The following INTU variants were observed in gnomAD, a reference collection of about 807,000 sequenced individuals.
INTU encodes protein inturned.
A neutral mutation model predicts 100.5 loss-of-function variants in INTU; 68 were observed. That is an observed-to-expected ratio of 0.68 (90% CI 0.56 to 0.83). The LOEUF is 0.83. INTU is among the 40% of genes least tolerant of loss of function. INTU has a pLI of 0.00. For synonymous variants in INTU, 357 were observed against 395.7 expected (o/e 0.90, Z 1.16); for missense variants, 1,071 against 1,114.7 (o/e 0.96, Z 0.56).
chr4:127,716,408 T>C lies in INTU; in HGVS notation c.2801T>C (p.Phe934Ser). ...SVTEIAIEIA[F>S]KLFFGLTL is the part of the protein sequence containing the mutation. Reference sequence around the variant, plus strand: ...ACAGAAATTGCCATTGAAATAGCTTTTAAATTGTTCTTTGGGTTAACCTTG... The same window carrying C: ...ACAGAAATTGCCATTGAAATAGCTTCTAAATTGTTCTTTGGGTTAACCTTG... Residue 934 changes from phenylalanine (F) to serine (S), a missense_variant, in exon 16 of 16, where the codon TTT (phenylalanine) becomes TCT (serine). Transcript: ENST00000335251. 1 of 1,590,146 alleles carries C rather than the reference T, an allele frequency of 6.3e-7. No homozygotes were observed. Among genetic ancestry groups the C allele is most frequent in the Non-Finnish European group, 8.6e-7 (1 of 1,166,634 alleles).
At chr4:127,667,602 G>GT (rs1403768264) in intron 4 of INTU, among the ~76,000 whole-genome samples, 11 of 151,738 alleles carry the variant, frequency 7.2e-5, no homozygotes, top group Admixed American at 2.6e-4. Context: ...GAGTATATGG[G>GT]TTTTTTTTGT....
chr4:127,650,924 G>GAGAT (rs1295294427), intron 2 of INTU, among the ~76,000 whole-genome samples: 1 of 152,206 alleles, frequency 6.6e-6, no homozygotes, highest in Non-Finnish European at 1.5e-5. Flanking sequence ...TAACTGGTGT[G>GAGAT]AGATGGTATC....
At chr4:127,669,607 G>A (rs1055636092) in intron 5 of INTU, among the ~76,000 whole-genome samples, 6 of 151,770 alleles carry the variant, frequency 4.0e-5, no homozygotes, top group African/African-American at 1.2e-4. Flanking sequence ...GACTGAACAC[G>A]AAAATTGGTC....
At chr4:127,692,963 A>G (rs1730218070) in intron 8 of INTU, among the ~76,000 whole-genome samples, 1 of 152,060 alleles carries the variant, frequency 6.6e-6, no homozygotes, top group Admixed American at 6.6e-5. Context: ...TTTTTATACC[A>G]TGCCATTTTG....
At chr4:127,642,899 T>C (rs1342934789) in intron 1 of INTU, among the ~76,000 whole-genome samples, 2 of 152,210 alleles carry the variant, frequency 1.3e-5, no homozygotes, top group Non-Finnish European at 2.9e-5. Context: ...ATGGAAATTA[T>C]AGACAGTAAA....
chr4:127,656,390 A>T (rs536068032), intron 2 of INTU, among the ~76,000 whole-genome samples: 1 of 152,340 alleles, frequency 6.6e-6, no homozygotes, highest in South Asian at 2.1e-4. Context: ...TTATTTTTTA[A>T]AATATTCATA....
Position 127,710,878 on chromosome 4 carries a change from C to A in INTU, c.2370-35C>A, listed in dbSNP as rs980546312. On this transcript the variant is annotated intron_variant, in intron 13 of 15. Coordinates refer to ENST00000335251, the MANE Select transcript of INTU (RefSeq NM_015693.4). ...AATATTTTAAAATTTACTAAAATTT[C>A]TTTTTTCTTCTCTTTGATTTTTTTT... 6 of 1,351,816 alleles carry A rather than the reference C, an allele frequency of 4.4e-6. No individual in the cohort carries two copies. The African/African-American group carries it at 8.8e-5, about 20-fold the overall frequency. 83.7% of individuals were successfully genotyped at this position (1,351,816 alleles called of 1,614,324 possible). A position where few individuals can be genotyped will look rare whatever the true frequency, so the allele number is the denominator to read the frequency against.
Position 127,716,385 on chromosome 4 carries a change from A to C in INTU, c.2778A>C (p.Thr926=). 6.3e-7 allele frequency: 1 copy of C among 1,591,856 alleles called. No homozygotes were observed. The highest frequency in any genetic ancestry group is 8.6e-7 in the Non-Finnish European group (1 of 1,169,448). Residue 926 remains threonine (T), a synonymous_variant, in exon 16 of 16, where the codon ACA becomes ACC. Coordinates refer to ENST00000335251, the MANE Select transcript of INTU (RefSeq NM_015693.4). ...ELYVCFHDSV[T]EIAIEIAFKL... is the part of the protein sequence containing the mutation. ...ATGTCTGTTTTCATGACTCAGTCACAGAAATTGCCATTGAAATAGCTTTTA... is the reference window on the plus strand; with the variant it reads ...ATGTCTGTTTTCATGACTCAGTCACCGAAATTGCCATTGAAATAGCTTTTA...
At chr4:127,681,041 A>C (rs956971482) in intron 6 of INTU, among the ~76,000 whole-genome samples, 1 of 151,696 alleles carries the variant, frequency 6.6e-6, no homozygotes. Flanking sequence ...AATCCAACTT[A>C]CAAGGGATGT....
chr4:127,714,091 A>C lies in INTU; in HGVS notation c.2715A>C (p.Val905=), dbSNP rs773287426. Residue 905 remains valine, a splice_region_variant and synonymous_variant, in exon 15 of 16, where the codon GTA becomes GTC. Coordinates refer to ENST00000335251, the MANE Select transcript of INTU (RefSeq NM_015693.4). ...KAPPVMAYWV[V]GRLFLHPKPQ... is the part of the protein sequence containing the mutation. The stretch of plus-strand genomic sequence containing the variant: ...CACCAGTTATGGCTTACTGGGTAGT[A>C]GGGTAAGTGAGAAAAAAAAGTATTT... The C allele has an allele frequency of 8.1e-6, 13 of 1,602,570 alleles. No homozygotes were observed. The East Asian group carries it at 2.9e-4, about 36-fold the overall frequency.
intron 3 of INTU, 134 bp from the exon 4 acceptor site, chr4:127,663,247 G>A: frequency 3.2e-6 from 2 of 629,794 alleles, no homozygotes; most frequent in Non-Finnish European, 5.6e-6. Flanking sequence ...CCAGCCATCA[G>A]GAGCACTCAC....
At chr4:127,700,472 C>T (rs146648165) in intron 9 of INTU, among the ~76,000 whole-genome samples, 230 of 152,228 alleles carry the variant, frequency 1.5e-3, no homozygotes, top group African/African-American at 5.3e-3. Flanking sequence ...ATCGCAGTAG[C>T]GATAAGTACC....
intron 2 of INTU, among the ~76,000 whole-genome samples, chr4:127,649,686 A>G (rs1044802895): frequency 6.6e-6 from 1 of 152,158 alleles, no homozygotes. Context: ...CTTAGCCTGT[A>G]TACATGTTTA....
In INTU at chr4:127,722,571, A is replaced by G. The variant is rs140287942; in HGVS notation, c.*6135A>G. 22 of 152,552 alleles carry G rather than the reference A, an allele frequency of 1.4e-4. No homozygotes were observed. The highest frequency in any genetic ancestry group is 5.3e-4 in the African/African-American group (22 of 41,584). The allele number at this position is 152,552 out of a possible 1,614,324, so 9.4% of individuals were successfully genotyped here. The stretch of plus-strand genomic sequence containing the variant: ...AGAAGACTAAGATCACTGATCCATG[A>G]TACTTCAGCCATCCTTCCTCCTAGG... On this transcript the variant is annotated 3_prime_UTR_variant, in exon 16 of 16. Transcript: ENST00000335251.
At chr4:127,685,581 A>G (rs1474419707) in intron 7 of INTU, 1 of 416,394 alleles carries the variant, frequency 2.4e-6, no homozygotes, top group Non-Finnish European at 4.8e-6. Flanking sequence ...TGAGCTACAA[A>G]GAGCTGGGCA....
At chr4:127,664,650 C>T (rs1290445840) in intron 4 of INTU, among the ~76,000 whole-genome samples, 2 of 151,932 alleles carry the variant, frequency 1.3e-5, no homozygotes, top group African/African-American at 2.4e-5. Context: ...TCTTAAAGTC[C>T]TTTTTTAACA....
intron 1 of INTU, 60 bp from the exon 2 acceptor site, chr4:127,643,461 G>A (rs1014216948): frequency 1.2e-5 from 17 of 1,404,256 alleles, no homozygotes; most frequent in Middle Eastern, 4.2e-4. Context: ...ATGCCAGGAT[G>A]ACATACCTTT....
At chr4:127,710,401 C>CATTT in intron 13 of INTU, among the ~76,000 whole-genome samples, 2 of 151,774 alleles carry the variant, frequency 1.3e-5, no homozygotes, top group African/African-American at 4.8e-5. Flanking sequence ...TAAGTCCTAC[C>CATTT]CATTCTGCAT....
chr4:127,676,836 C>T (rs535161855), intron 6 of INTU, among the ~76,000 whole-genome samples: 1 of 152,288 alleles, frequency 6.6e-6, no homozygotes, highest in South Asian at 2.1e-4. Context: ...AGGGAGTTCC[C>T]TTTCCTAGTC....
Sources: gnomAD v4.1 joint callset for allele counts (sites outside exome capture counted in the v4.1 genomes callset) on GRCh38, gnomAD v4.1.1 for gene constraint, MANE v1.5 for transcripts, NCBI Gene and HGNC (gene_info 2026-07-23, HGNC 2026-07-21) for gene names.